ROBO2: variants seen among roughly 807,000 people sequenced by gnomAD.
ROBO2 encodes roundabout homolog 2.
A neutral mutation model predicts 160.8 loss-of-function variants in ROBO2; 53 were observed. The observed-to-expected ratio is 0.33, with a 90% CI of 0.26 to 0.41. The LOEUF (loss-of-function observed/expected upper bound fraction) is 0.41. Ranked by LOEUF, ROBO2 falls within the 10% of genes least tolerant of loss-of-function variation. ROBO2 has a pLI of 1.00. For synonymous variants in ROBO2, 664 were observed against 611.7 expected (o/e 1.09, Z -1.26); for missense variants, 1,577 against 1,722.4 (o/e 0.92, Z 1.49).
chr3:76,037,359 G>A (rs927847495), intron 2 of ROBO2, among the ~76,000 whole-genome samples: 5 of 150,386 alleles, frequency 3.3e-5, no homozygotes, highest in Non-Finnish European at 7.4e-5. Context: ...CTGGCTTCAA[G>A]CGATTCTGCT....
At chr3:77,101,989 G>T (rs951216011) in intron 2 of ROBO2, among the ~76,000 whole-genome samples, 4 of 152,184 alleles carry the variant, frequency 2.6e-5, no homozygotes, top group African/African-American at 9.7e-5. Context: ...GCAGTGAGCT[G>T]GGATGGTGCC....
At chr3:76,254,009 A>G (rs1706202002) in intron 2 of ROBO2, among the ~76,000 whole-genome samples, 1 of 152,150 alleles carries the variant, frequency 6.6e-6, no homozygotes, top group African/African-American at 2.4e-5. Flanking sequence ...TGATAGCAAT[A>G]CATAAATCAT....
chr3:76,698,244 G>A (rs1450821106), intron 2 of ROBO2, among the ~76,000 whole-genome samples: 2 of 152,196 alleles, frequency 1.3e-5, no homozygotes, highest in African/African-American at 2.4e-5. Context: ...ATTCCTGGGC[G>A]ATGGGCTGAA....
At chr3:76,031,231 T>C (rs1381085393) in intron 2 of ROBO2, among the ~76,000 whole-genome samples, 1 of 152,250 alleles carries the variant, frequency 6.6e-6, no homozygotes, top group Non-Finnish European at 1.5e-5. Flanking sequence ...GAGACTTTGC[T>C]GAAGTTACTT....
At chr3:77,483,671 C>A (rs543082998) in intron 4 of ROBO2, among the ~76,000 whole-genome samples, 1 of 149,464 alleles carries the variant, frequency 6.7e-6, no homozygotes, top group African/African-American at 2.4e-5. Flanking sequence ...TTTTACAGAA[C>A]AAGTTACATT....
chr3:77,135,125 CT>C (rs1185779531), intron 2 of ROBO2, among the ~76,000 whole-genome samples: 1 of 152,182 alleles, frequency 6.6e-6, no homozygotes, highest in Non-Finnish European at 1.5e-5. Flanking sequence ...GCAATTACAC[CT>C]CCTGACAACT....
intron 2 of ROBO2, among the ~76,000 whole-genome samples, chr3:77,320,803 T>C (rs2153431073): frequency 6.6e-6 from 1 of 152,312 alleles, no homozygotes; most frequent in South Asian, 2.1e-4. Context: ...AAATATATTT[T>C]TTGTTATCTC....
chr3:77,426,426 G>A (rs1302756583), intron 2 of ROBO2, among the ~76,000 whole-genome samples: 1 of 152,236 alleles, frequency 6.6e-6, no homozygotes, highest in East Asian at 1.9e-4. Context: ...TGAAGGTTAA[G>A]ATGCTTCAGA....
chr3:76,597,248 A>T (rs2108892160), intron 2 of ROBO2, among the ~76,000 whole-genome samples: 1 of 152,240 alleles, frequency 6.6e-6, no homozygotes, highest in South Asian at 2.1e-4. Flanking sequence ...CATAAAAGAA[A>T]AAATTAATAA....
At chr3:76,039,423 T>G (rs898339776) in intron 2 of ROBO2, among the ~76,000 whole-genome samples, 1 of 152,046 alleles carries the variant, frequency 6.6e-6, no homozygotes, top group Non-Finnish European at 1.5e-5. Flanking sequence ...TCTACTTGTT[T>G]TCTTGTTTAA....
rs1381737161 is a variant in ROBO2, at chr3:77,609,809, TA to T, written c.3293+1856del. Among the ~76,000 whole-genome samples, 8 of 147,890 alleles carry T rather than the reference TA, an allele frequency of 5.4e-5. No homozygotes were observed. The East Asian group carries it at 1.6e-3, about 29-fold the overall frequency. The stretch of plus-strand genomic sequence containing the variant: ...ATATATACATATATATATATATATA[TA>T]TTTATATGTATGTATGTAGTTTGAG... On this transcript the variant is annotated intron_variant, in intron 21 of 25. Transcript: ENST00000461745.
At chr3:77,481,444 A>T (rs2084680066) in intron 4 of ROBO2, among the ~76,000 whole-genome samples, 1 of 152,166 alleles carries the variant, frequency 6.6e-6, no homozygotes, top group Admixed American at 6.6e-5. Context: ...ATGTATTTGT[A>T]AGATTTTGCA....
chr3:76,290,166 C>T (rs1351710609), intron 2 of ROBO2, among the ~76,000 whole-genome samples: 1 of 152,096 alleles, frequency 6.6e-6, no homozygotes, highest in Non-Finnish European at 1.5e-5. Context: ...TTTCTTTCAG[C>T]AGTGTTTTGA....
At chr3:76,957,105 A>G (rs555481615) in intron 2 of ROBO2, among the ~76,000 whole-genome samples, 1 of 152,232 alleles carries the variant, frequency 6.6e-6, no homozygotes, top group East Asian at 1.9e-4. Context: ...TACTGTGAAG[A>G]AAGTATTAAA....
intron 2 of ROBO2, among the ~76,000 whole-genome samples, chr3:77,432,617 G>C (rs1338343156): frequency 6.6e-6 from 1 of 152,120 alleles, no homozygotes; most frequent in Non-Finnish European, 1.5e-5. Flanking sequence ...ATTGTCTATG[G>C]CTGCTTTGGG....
intron 2 of ROBO2, among the ~76,000 whole-genome samples, chr3:77,153,738 A>G (rs2150548721): frequency 6.6e-6 from 1 of 152,270 alleles, no homozygotes; most frequent in South Asian, 2.1e-4. Context: ...CATGGTATAA[A>G]TGACATCTAG....
intron 2 of ROBO2, among the ~76,000 whole-genome samples, chr3:77,206,490 C>G (rs997843970): frequency 3.9e-5 from 6 of 152,112 alleles, no homozygotes; most frequent in Admixed American, 2.0e-4. Context: ...AGACTCCAGT[C>G]TTATTGTATT....
At chr3:77,644,984 T>A in intron 25 of ROBO2, 80 bp downstream of exon 27, 1 of 1,394,006 alleles carries the variant, frequency 7.2e-7, no homozygotes, top group South Asian at 1.2e-5. Context: ...TTAAACAAAT[T>A]TCAGATTAAT....
Position 77,608,014 on chromosome 3 carries a change from A to AT in ROBO2, c.3293+65dup, listed in dbSNP as rs983636199. The AT allele has an allele frequency of 5.7e-6, 9 of 1,565,706 alleles. No homozygotes were observed. In the African/African-American group the frequency reaches 1.1e-4, roughly 19 times the overall value. ...GGCTCTCCTCTCCTCTCTGTTGTTC[A>AT]TTTTTGCCATCATCTTATGTTCTCT... is the stretch of plus-strand genomic sequence containing the variant. On this transcript the variant is annotated intron_variant, in intron 21 of 25. Coordinates refer to ENST00000461745, the Ensembl canonical transcript of ROBO2.
Sources: gnomAD v4.1 joint callset for allele counts (sites outside exome capture counted in the v4.1 genomes callset) on GRCh38, gnomAD v4.1.1 for gene constraint, MANE v1.5 for transcripts, NCBI Gene and HGNC (gene_info 2026-07-23, HGNC 2026-07-21) for gene names.